Variants in HPRT1 observed in about 807,000 individuals in gnomAD.
The protein encoded by HPRT1 is hypoxanthine-guanine phosphoribosyltransferase.
Under a neutral mutation model 19.0 loss-of-function variants are expected in HPRT1, and 4 were observed. The ratio of observed to expected loss-of-function variants is 0.21; its 90% CI spans 0.10 to 0.48. HPRT1 has a LOEUF of 0.48. Ranked by LOEUF, HPRT1 falls within the 20% of genes least tolerant of loss-of-function variation. The pLI, the probability that HPRT1 is intolerant of heterozygous loss-of-function variation, is 0.98. For missense variants in HPRT1, 65 were observed against 164.0 expected (o/e 0.40, Z 3.30); for synonymous variants, 53 against 54.9 (o/e 0.97, Z 0.15).
chrX:134,469,439 A>G (rs750931786), intron 1 of HPRT1, among the ~76,000 whole-genome samples: 1 of 111,741 alleles, frequency 8.9e-6, no homozygotes, highest in Non-Finnish European at 1.9e-5. Context: ...TTGGAAATCA[A>G]TTTGTTATAT....
At chrX:134,485,691 T>A (rs960514812) in intron 3 of HPRT1, among the ~76,000 whole-genome samples, 1 of 111,879 alleles carries the variant, frequency 8.9e-6, no homozygotes, top group African/African-American at 3.3e-5. Flanking sequence ...TACTGCACCG[T>A]TGTAATTGCT....
intron 3 of HPRT1, among the ~76,000 whole-genome samples, chrX:134,476,957 A>G (rs2077626514): frequency 9.1e-6 from 1 of 110,133 alleles, no homozygotes; most frequent in South Asian, 3.8e-4. Flanking sequence ...CATAGAAAAC[A>G]GTTTATTTTA....
chrX:134,480,109 A>T (rs1310464691), intron 3 of HPRT1, among the ~76,000 whole-genome samples: 1 of 111,096 alleles, frequency 9.0e-6, no homozygotes, highest in Non-Finnish European at 1.9e-5. Context: ...TATTCTTAGG[A>T]TTTGCAATCT....
Position 134,460,259 on chromosome X carries a change from G to A in HPRT1, c.-53G>A. ...GCGCCTCCGCCTCCTCCTCTGCTCC[G>A]CCACCGGCTTCCTCCTCCTGAGCAG... is the stretch of plus-strand genomic sequence containing the variant. On this transcript the variant is annotated 5_prime_UTR_variant, in exon 1 of 9. Transcript: ENST00000298556. 9.0e-7 allele frequency: 1 copy of A among 1,109,800 alleles called. No individual in the cohort carries two copies. The highest frequency in any genetic ancestry group is 1.2e-6 in the Non-Finnish European group (1 of 844,486). The allele number at this position is 1,109,800 out of a possible 1,213,427, so 91.5% of individuals were successfully genotyped here.
intron 6 of HPRT1, among the ~76,000 whole-genome samples, chrX:134,494,337 A>G (rs1210768678): frequency 1.4e-4 from 16 of 112,471 alleles, no homozygotes; most frequent in African/African-American, 4.8e-4. Flanking sequence ...TTTCATTAAA[A>G]ACATTAAGTC....
At chrX:134,469,219 A>G (rs113263626) in intron 1 of HPRT1, among the ~76,000 whole-genome samples, 1 of 111,684 alleles carries the variant, frequency 9.0e-6, no homozygotes, top group Non-Finnish European at 1.9e-5. Context: ...GTGTGCATAT[A>G]TATAGTAAGT....
At chrX:134,472,127 T>C (rs1366207107) in intron 1 of HPRT1, among the ~76,000 whole-genome samples, 1 of 110,359 alleles carries the variant, frequency 9.1e-6, no homozygotes, top group Non-Finnish European at 1.9e-5. Context: ...TGCACCACCA[T>C]ACCTGGCAAA....
chrX:134,462,442 A>G (rs1396087725), intron 1 of HPRT1, among the ~76,000 whole-genome samples: 1 of 111,824 alleles, frequency 8.9e-6, no homozygotes, highest in Non-Finnish European at 1.9e-5. Context: ...TTGGCCTCCC[A>G]AAGTGCTGGG....
At chrX:134,496,997 G>GT (rs34619253) in intron 6 of HPRT1, among the ~76,000 whole-genome samples, 14 of 111,635 alleles carry the variant, frequency 1.3e-4, no homozygotes, top group Admixed American at 1.9e-4. Flanking sequence ...AGCTTCTGTA[G>GT]TTTTTTTTAA....
In HPRT1 at chrX:134,479,274, A is replaced by AT. The variant is rs1263342628; in HGVS notation, c.318+3922dup. ...GTGAATTTATTTCAATTTTATAGTG[A>AT]TTTTTTTTTTTTGAGACGAAGTCTC... On this transcript the variant is annotated intron_variant, in intron 3 of 8. Transcript: ENST00000298556. Among the ~76,000 whole-genome samples the AT allele has an allele frequency of 3.6e-3, 383 of 107,105 alleles. 6 individuals are homozygous for AT. The highest frequency in any genetic ancestry group is 0.011 in the African/African-American group (341 of 29,800). 93.0% of individuals were successfully genotyped at this position (107,105 alleles called of 115,157 possible). A position where few individuals can be genotyped will look rare whatever the true frequency, so the allele number is the denominator to read the frequency against.
In HPRT1 at chrX:134,495,351, G is replaced by A. The variant is rs17879537; in HGVS notation, c.485+1761G>A. ...CATTTCACTGCCACTTAATCTGAGC[G>A]ACTATTCCATATTTAATCTCTCTGA... On this transcript the variant is annotated intron_variant, in intron 6 of 8. Coordinates refer to ENST00000298556, the MANE Select transcript of HPRT1 (RefSeq NM_000194.3). Among the ~76,000 whole-genome samples, 879 of 111,452 alleles carry A rather than the reference G, an allele frequency of 7.9e-3. 4 individuals are homozygous for A. Among genetic ancestry groups the A allele is most frequent in the Middle Eastern group, 0.018 (4 of 219 alleles).
At chrX:134,492,031 A>G (rs1193997962) in intron 5 of HPRT1, among the ~76,000 whole-genome samples, 2 of 99,860 alleles carry the variant, frequency 2.0e-5, no homozygotes, top group African/African-American at 3.7e-5. Context: ...ACATATATAT[A>G]TATACACACA....
At chrX:134,465,739 T>C (rs1413936106) in intron 1 of HPRT1, among the ~76,000 whole-genome samples, 1 of 112,442 alleles carries the variant, frequency 8.9e-6, no homozygotes, top group African/African-American at 3.2e-5. Context: ...AAATGGTAAG[T>C]AACTTAGAGC....
rs748358819 is a variant in HPRT1 at position 134,492,016 on chromosome X, T to C, written c.403-1492T>C. Reference sequence around the variant, plus strand: ...ATATATATACACACATATATAAATATATATACATATATATATATACACACA... The same window carrying C: ...ATATATATACACACATATATAAATACATATACATATATATATATACACACA... On this transcript the variant is annotated intron_variant, in intron 5 of 8. Coordinates refer to ENST00000298556, the MANE Select transcript of HPRT1 (RefSeq NM_000194.3). Among the ~76,000 whole-genome samples, 33 of 99,380 alleles carry C rather than the reference T, an allele frequency of 3.3e-4. No homozygotes were observed. In the South Asian group the frequency reaches 0.011, roughly 34 times the overall value. 86.3% of individuals were successfully genotyped at this position (99,380 alleles called of 115,157 possible).
intron 4 of HPRT1, among the ~76,000 whole-genome samples, chrX:134,487,767 G>A (rs2077657350): frequency 8.9e-6 from 1 of 112,054 alleles, no homozygotes; most frequent in Non-Finnish European, 1.9e-5. Flanking sequence ...AACTTCAGAG[G>A]AGAAATGAGC....
At chrX:134,476,762 A>G (rs1391876811) in intron 3 of HPRT1, among the ~76,000 whole-genome samples, 1 of 111,567 alleles carries the variant, frequency 9.0e-6, no homozygotes, top group African/African-American at 3.2e-5. Flanking sequence ...TCTTTTAAAA[A>G]GCATTTCATG....
chrX:134,465,993 C>A (rs923356477), intron 1 of HPRT1, among the ~76,000 whole-genome samples: 4 of 109,683 alleles, frequency 3.6e-5, no homozygotes, highest in African/African-American at 1.3e-4. Flanking sequence ...CCTCCCACAC[C>A]CCCCCCATAC....
intron 6 of HPRT1, among the ~76,000 whole-genome samples, chrX:134,495,529 G>C (rs1395722856): frequency 8.9e-6 from 1 of 111,816 alleles, no homozygotes; most frequent in Admixed American, 9.6e-5. Context: ...ATTGTAGTGA[G>C]CAGCTGCTTA....
intron 1 of HPRT1, among the ~76,000 whole-genome samples, chrX:134,467,559 G>T (rs2077600194): frequency 9.0e-6 from 1 of 111,540 alleles, no homozygotes; most frequent in Non-Finnish European, 1.9e-5. Flanking sequence ...AATATCAGAT[G>T]GGACAAGTAA....
Sources: allele counts gnomAD v4.1 joint callset (sites outside exome capture counted in the v4.1 genomes callset), GRCh38; gene constraint gnomAD v4.1.1; transcripts MANE v1.5; gene names NCBI Gene and HGNC (gene_info 2026-07-23, HGNC 2026-07-21).